DAB1: variants seen among roughly 807,000 people sequenced by gnomAD.
DAB1 encodes DAB adaptor protein 1.
Under a neutral mutation model 64.6 loss-of-function variants are expected in DAB1, and 15 were observed. The ratio of observed to expected loss-of-function variants is 0.23; its 90% CI spans 0.16 to 0.36. The LOEUF (loss-of-function observed/expected upper bound fraction) is 0.36, where lower values mean the gene tolerates loss of function less well. Ranked by LOEUF, DAB1 falls within the 10% of genes least tolerant of loss-of-function variation. The pLI is 1.00. For missense variants in DAB1, 596 were observed against 706.7 expected, an observed-to-expected ratio of 0.84 and a Z score of 1.78; for synonymous variants, 235 against 251.9, an observed-to-expected ratio of 0.93 and a Z score of 0.64.
At chr1:58,113,214 G>GGAGGATTTTGCAAGGAGAT (rs1553160683) in intron 5 of DAB1, among the ~76,000 whole-genome samples, 1 of 152,138 alleles carries the variant, frequency 6.6e-6, no homozygotes, top group Admixed American at 6.5e-5. Context: ...TGGAGAATGA[G>GGAGGATTTTGCAAGGAGAT]GAGGATTTTG....
chr1:57,870,279 C>A (rs550247339), intron 1 of DAB1, among the ~76,000 whole-genome samples: 64 of 152,100 alleles, frequency 4.2e-4, no homozygotes, highest in Non-Finnish European at 8.5e-4. Context: ...TGGTCCTGTC[C>A]GTGAGTGCCA....
At chr1:56,998,800 C>G (rs1433601547) in intron 14 of DAB1, among the ~76,000 whole-genome samples, 2 of 152,134 alleles carry the variant, frequency 1.3e-5, no homozygotes, top group Non-Finnish European at 1.5e-5. Context: ...ACCCAGGGGG[C>G]TGTCCTGAAA....
chr1:58,062,305 C>T (rs1648551426), intron 5 of DAB1, among the ~76,000 whole-genome samples: 2 of 152,162 alleles, frequency 1.3e-5, no homozygotes, highest in South Asian at 4.1e-4. Context: ...TGGTAGAGGT[C>T]ACAGACCTCA....
intron 5 of DAB1, among the ~76,000 whole-genome samples, chr1:57,990,802 C>T (rs72666197): frequency 0.029 from 4,414 of 152,278 alleles, 89 homozygotes; most frequent in Middle Eastern, 0.058. Flanking sequence ...TCCAGCAAGA[C>T]AATCCCAGAA....
intron 7 of DAB1, among the ~76,000 whole-genome samples, chr1:57,475,772 G>A (rs1383114875): frequency 6.6e-6 from 1 of 152,182 alleles, no homozygotes; most frequent in African/African-American, 2.4e-5. Flanking sequence ...TGTATTCACT[G>A]GCCTCCATTA....
intron 6 of DAB1, among the ~76,000 whole-genome samples, chr1:57,745,455 C>T (rs2101796357): frequency 6.6e-6 from 1 of 152,132 alleles, no homozygotes; most frequent in East Asian, 1.9e-4. Flanking sequence ...AGTCTATATC[C>T]AGAGATCACT....
intron 9 of DAB1, among the ~76,000 whole-genome samples, chr1:57,031,135 A>C (rs905074386): frequency 5.3e-5 from 8 of 152,236 alleles, no homozygotes; most frequent in African/African-American, 1.9e-4. Context: ...CGAGAAAAAC[A>C]TGCAGAGGCA....
At chr1:57,642,565 C>G (rs12038397) in intron 7 of DAB1, among the ~76,000 whole-genome samples, 67,582 of 152,034 alleles carry the variant, frequency 0.44, 17,170 homozygotes, top group East Asian at 0.69. Context: ...CTTATCAACT[C>G]TAGGTGTCTC....
intron 5 of DAB1, among the ~76,000 whole-genome samples, chr1:58,045,339 ATGGACTGCTGG>A (rs1314895410): frequency 1.3e-5 from 2 of 152,160 alleles, no homozygotes; most frequent in African/African-American, 4.8e-5. Context: ...GTAAGGGCTA[ATGGACTGCTGG>A]TCCAGGGGGA....
At chr1:58,074,556 A>ATG (rs1299720827) in intron 5 of DAB1, 2 of 61,442 alleles carry the variant, frequency 3.3e-5, no homozygotes, top group African/African-American at 1.3e-4. Flanking sequence ...ACACATATAT[A>ATG]TATGTGTGTA....
intron 4 of DAB1, among the ~76,000 whole-genome samples, chr1:58,279,596 T>C (rs1661511470): frequency 6.6e-6 from 1 of 152,184 alleles, no homozygotes; most frequent in African/African-American, 2.4e-5. Flanking sequence ...GTCTCTAAAG[T>C]AGCAACTCTG....
chr1:57,429,793 A>T (rs560879563), intron 7 of DAB1, among the ~76,000 whole-genome samples: 14 of 152,236 alleles, frequency 9.2e-5, no homozygotes, highest in African/African-American at 2.9e-4. Context: ...AGATTAGTTG[A>T]TGGTATATGG....
At chr1:58,367,438 A>G (rs1441202834) in intron 3 of DAB1, among the ~76,000 whole-genome samples, 1 of 152,158 alleles carries the variant, frequency 6.6e-6, no homozygotes, top group Admixed American at 6.5e-5. Context: ...TAAATCATGT[A>G]TCTATATGAC....
At chr1:57,787,950 C>A in intron 6 of DAB1, among the ~76,000 whole-genome samples, 3 of 150,362 alleles carry the variant, frequency 2.0e-5, no homozygotes, top group Non-Finnish European at 3.0e-5. Flanking sequence ...AAAATGAAGA[C>A]ATAATTAAAT....
chr1:57,081,985 A>G (rs1402536126), intron 4 of DAB1, among the ~76,000 whole-genome samples: 1 of 152,212 alleles, frequency 6.6e-6, no homozygotes, highest in Non-Finnish European at 1.5e-5. Context: ...ACAAACTTGA[A>G]TTAAAATACA....
intron 14 of DAB1, among the ~76,000 whole-genome samples, chr1:57,006,469 G>A (rs1646071587): frequency 6.6e-6 from 1 of 152,164 alleles, no homozygotes; most frequent in Non-Finnish European, 1.5e-5. Context: ...TGTCTCTTCG[G>A]TCTTAACCTT....
At chr1:57,822,983 ATTTTTTTTT>A (rs71246208), downstream of DAB1, among the ~76,000 whole-genome samples, 1 of 131,282 alleles carries the variant, frequency 7.6e-6, no homozygotes, top group Non-Finnish European at 1.6e-5. Flanking sequence ...TAATTTAGGA[ATTTTTTTTT>A]TTTTTTTTTT....
intron 6 of DAB1, among the ~76,000 whole-genome samples, chr1:57,819,252 T>G (rs852762): frequency 0.32 from 49,041 of 152,180 alleles, 8,996 homozygotes; most frequent in Admixed American, 0.47. Flanking sequence ...TTTGCTTTGT[T>G]CGTGTTAATT....
intron 2 of DAB1, among the ~76,000 whole-genome samples, chr1:57,256,603 A>T (rs1345128230): frequency 6.6e-6 from 1 of 151,268 alleles, no homozygotes; most frequent in Non-Finnish European, 1.5e-5. Context: ...TGTGACACTC[A>T]ACTTTCTAGA....
Sources: gnomAD v4.1 joint callset for allele counts (sites outside exome capture counted in the v4.1 genomes callset) on GRCh38, gnomAD v4.1.1 for gene constraint, MANE v1.5 for transcripts, NCBI Gene and HGNC (gene_info 2026-07-23, HGNC 2026-07-21) for gene names.